The following SH3BP4 variants were observed in gnomAD, a reference collection of about 807,000 sequenced individuals.
The protein encoded by SH3BP4 is SH3 domain binding protein 4.
SH3BP4 carries 33 observed loss-of-function variants against 65.5 expected under a neutral mutation model. The ratio of observed to expected loss-of-function variants is 0.50; its 90% CI spans 0.38 to 0.67. The LOEUF is 0.67. SH3BP4 is among the 30% of genes least tolerant of loss of function. The pLI, the probability that SH3BP4 is intolerant of heterozygous loss-of-function variation, is 0.00. For synonymous variants in SH3BP4, 552 were observed against 545.5 expected (o/e 1.01, Z -0.17); for missense variants, 1,134 against 1,261.4 (o/e 0.90, Z 1.53).
intron 1 of SH3BP4, among the ~76,000 whole-genome samples, chr2:234,993,846 T>G (rs2106273125): frequency 6.6e-6 from 1 of 152,370 alleles, no homozygotes; most frequent in South Asian, 2.1e-4. Context: ...TTGTGATTCC[T>G]GTCCAGAAAA....
chr2:235,010,172 C>T (rs1212587432), intron 2 of SH3BP4, among the ~76,000 whole-genome samples: 2 of 152,116 alleles, frequency 1.3e-5, no homozygotes, highest in Admixed American at 6.6e-5. Context: ...TGGCTCCCAC[C>T]CCAGGTTTTC....
At chr2:234,984,982 G>A (rs943535845) in intron 1 of SH3BP4, among the ~76,000 whole-genome samples, 14 of 152,114 alleles carry the variant, frequency 9.2e-5, no homozygotes, top group African/African-American at 3.4e-4. Context: ...ATGAGACTAT[G>A]CCCTAGAATT....
chr2:234,971,432 A>C (rs913541658), intron 1 of SH3BP4, among the ~76,000 whole-genome samples: 1 of 152,244 alleles, frequency 6.6e-6, no homozygotes, highest in African/African-American at 2.4e-5. Context: ...GGCTATTGCG[A>C]ATAATGCTGC....
chr2:235,049,343 CTT>C (rs756291000), intron 4 of SH3BP4, among the ~76,000 whole-genome samples: 11 of 152,182 alleles, frequency 7.2e-5, no homozygotes, highest in Non-Finnish European at 1.5e-4. Context: ...AAGCAGGTGA[CTT>C]TGACCTGTTC....
chr2:234,979,370 C>T (rs1016786551), intron 1 of SH3BP4: 1 of 152,238 alleles, frequency 6.6e-6, no homozygotes, highest in Non-Finnish European at 1.5e-5. Context: ...TTGTCATTCT[C>T]TGCTGTTTTT....
At chr2:234,962,454 A>T (rs1049728814) in intron 1 of SH3BP4, among the ~76,000 whole-genome samples, 6 of 152,250 alleles carry the variant, frequency 3.9e-5, no homozygotes, top group African/African-American at 1.2e-4. Flanking sequence ...TTTCCAAAAA[A>T]AATAATAATA....
chr2:234,983,590 T>G (rs1693457401), intron 1 of SH3BP4, among the ~76,000 whole-genome samples: 1 of 152,148 alleles, frequency 6.6e-6, no homozygotes. Flanking sequence ...GGTGTTACCT[T>G]ATTTGGCAAA....
chr2:235,041,758 T>C lies in SH3BP4; in HGVS notation c.989T>C (p.Val330Ala), dbSNP rs756835325. The C allele has an allele frequency of 8.7e-6, 14 of 1,602,796 alleles. No homozygotes were observed. In the East Asian group the frequency reaches 3.1e-4, roughly 36 times the overall value. The change falls in exon 4 of 6, where the codon GTC becomes GCC. Residue 330 changes from valine (V) to alanine (A), a missense_variant. Val to Ala is a moderately conservative substitution (Grantham distance 64, BLOSUM62 0). Transcript: ENST00000392011. This position sits in a 1 kb window ranked among gnomAD's most constrained non-coding sequence, Gnocchi z 6.0. ...VCKLDSSGGA[V>A]QLPDTSISIH... ...AAGCTGGATAGCTCCGGGGGTGCTG[T>C]CCAGCTTCCTGACACCAGCATCAGC...
At chr2:235,000,558 C>T (rs1304432744) in intron 2 of SH3BP4, among the ~76,000 whole-genome samples, 2 of 152,132 alleles carry the variant, frequency 1.3e-5, no homozygotes. Context: ...ATCTTGGGCT[C>T]GGGCTCTGAT....
chr2:234,972,967 C>T (rs781511478), intron 1 of SH3BP4, among the ~76,000 whole-genome samples: 2 of 152,140 alleles, frequency 1.3e-5, no homozygotes, highest in Non-Finnish European at 2.9e-5. Flanking sequence ...CAGACATCAC[C>T]GCAGACCTGA....
rs1048406715 is a variant in SH3BP4 at position 235,030,593 on chromosome 2, C to T, written c.-132-4278C>T. ...TCCAGGGGAGATTGAGAGGTTATCA[C>T]CCAGAGGTGGCCAGTGAGCGTGGCC... On this transcript the variant is annotated intron_variant, in intron 2 of 5. Coordinates refer to ENST00000392011, the MANE Select transcript of SH3BP4 (RefSeq NM_014521.3). The surrounding 1 kb of genome is among the most constrained non-coding windows in gnomAD (Gnocchi z 4.1). Among the ~76,000 whole-genome samples, 8 of 152,040 alleles carry T rather than the reference C, an allele frequency of 5.3e-5. No individual in the cohort carries two copies. The highest frequency in any genetic ancestry group is 1.2e-4 in the Non-Finnish European group (8 of 68,006).
rs1693162858 is a variant in SH3BP4, at chr2:234,976,189, G to A, written c.-206-19114G>A. 6.6e-6 allele frequency among the ~76,000 whole-genome samples: 1 copy of A among 152,160 alleles called. No individual in the cohort carries two copies. Among genetic ancestry groups the A allele is most frequent in the Non-Finnish European group, 1.5e-5 (1 of 68,038 alleles). The stretch of plus-strand genomic sequence containing the variant: ...TGCGGATTCCCCATCTACCCATGAA[G>A]AGCGGCTCCTGCGGGGTGGCCCGGG... On this transcript the variant is annotated intron_variant, in intron 1 of 5. Coordinates refer to ENST00000392011, the MANE Select transcript of SH3BP4 (RefSeq NM_014521.3). The surrounding 1 kb of genome is among the most constrained non-coding windows in gnomAD (Gnocchi z 4.7).
intron 2 of SH3BP4, among the ~76,000 whole-genome samples, chr2:235,003,411 T>C (rs1694193102): frequency 6.6e-6 from 1 of 152,228 alleles, no homozygotes; most frequent in African/African-American, 2.4e-5. Context: ...GAGGTGCAGA[T>C]AATGCATCCT....
In SH3BP4 at chr2:235,047,457, G is replaced by C. The variant is rs189468447; in HGVS notation, c.2478+4210G>C. 2.0e-3 allele frequency among the ~76,000 whole-genome samples: 304 copies of C among 152,380 alleles called. 1 individual carries two copies. The highest frequency in any genetic ancestry group is 6.9e-3 in the African/African-American group (285 of 41,596). On this transcript the variant is annotated intron_variant, in intron 4 of 5. Transcript: ENST00000392011. ...CGGTGGGCTCCCGTCAGGCAAAGAGGAGGGGCAGCGTCTGGCAGTGGTAGA... is the reference window on the plus strand; with the variant it reads ...CGGTGGGCTCCCGTCAGGCAAAGAGCAGGGGCAGCGTCTGGCAGTGGTAGA...
At chr2:234,960,164 C>G (rs1692674330) in intron 1 of SH3BP4, among the ~76,000 whole-genome samples, 1 of 152,218 alleles carries the variant, frequency 6.6e-6, no homozygotes, top group African/African-American at 2.4e-5. Context: ...GTAATACTTA[C>G]ACATAATTCA....
Position 234,997,344 on chromosome 2 carries a change from C to T in SH3BP4, c.-133+1968C>T, listed in dbSNP as rs901261128. 5.3e-5 allele frequency among the ~76,000 whole-genome samples: 8 copies of T among 152,294 alleles called. No individual in the cohort carries two copies. The highest frequency in any genetic ancestry group is 1.3e-4 in the Admixed American group (2 of 15,308). ...ACCCAGGGTTTCCATTTCCAGGCCC[C>T]GAGTTTTGTCCGTGGCAAATTTCGT... On this transcript the variant is annotated intron_variant, in intron 2 of 5. Coordinates refer to ENST00000392011, the MANE Select transcript of SH3BP4 (RefSeq NM_014521.3). This position sits in a 1 kb window ranked among gnomAD's most constrained non-coding sequence, Gnocchi z 4.2.
At chr2:235,037,839 G>C (rs891783398) in intron 3 of SH3BP4, among the ~76,000 whole-genome samples, 9 of 152,010 alleles carry the variant, frequency 5.9e-5, no homozygotes, top group Admixed American at 2.0e-4. Context: ...CTCCATGAAA[G>C]CCATTTTCTT....
At chr2:234,994,465 A>T (rs114247806) in intron 1 of SH3BP4, 3 of 151,554 alleles carry the variant, frequency 2.0e-5, no homozygotes, top group African/African-American at 4.9e-5. Flanking sequence ...CCCGGGGCCC[A>T]CTCTGTTATT....
In SH3BP4 at chr2:235,035,177, G is replaced by A. The variant is rs1362161281; in HGVS notation, c.118+57G>A. 29 of 1,332,162 alleles carry A rather than the reference G, an allele frequency of 2.2e-5. No individual in the cohort carries two copies. Among genetic ancestry groups the A allele is most frequent in the African/African-American group, 2.9e-5 (2 of 69,234 alleles). The allele number at this position is 1,332,162 out of a possible 1,614,324, so 82.5% of individuals were successfully genotyped here. ...GGGAGAACGTTGGGATTTTCAAGTT[G>A]GGATCCAAGAACTTTTCTGCTTTAA... On this transcript the variant is annotated intron_variant, in intron 3 of 5. Coordinates refer to ENST00000392011, the MANE Select transcript of SH3BP4 (RefSeq NM_014521.3). This position sits in a 1 kb window ranked among gnomAD's most constrained non-coding sequence, Gnocchi z 5.0.
Sources: allele counts gnomAD v4.1 joint callset (sites outside exome capture counted in the v4.1 genomes callset), GRCh38; gene constraint gnomAD v4.1.1; non-coding constraint Gnocchi (gnomAD v3.1); transcripts MANE v1.5; gene names NCBI Gene and HGNC (gene_info 2026-07-23, HGNC 2026-07-21).